Variants in RAB40B observed in about 807,000 individuals in gnomAD.
RAB40B encodes the protein RAB40B, member RAS oncogene family, also known as ras-related protein Rab-40B.
Under a neutral mutation model 24.0 loss-of-function variants are expected in RAB40B, and 21 were observed. The observed-to-expected ratio is 0.88, with a 90% CI of 0.62 to 1.26. The LOEUF is 1.26. Ranked by LOEUF, RAB40B falls within the 50% of genes most tolerant of loss-of-function variation. RAB40B has a pLI of 0.00. For synonymous variants in RAB40B, 167 were observed against 169.8 expected (o/e 0.98, Z 0.13); for missense variants, 348 against 390.5 (o/e 0.89, Z 0.92).
intron 5 of RAB40B, 118 bp from the exon 6 acceptor site, chr17:82,658,252 C>T: frequency 7.2e-7 from 1 of 1,384,616 alleles, no homozygotes; most frequent in Non-Finnish European, 9.7e-7. Context: ...GTGGCCCTGG[C>T]TTGTACATGC....
At chr17:82,682,756 C>G (rs1216941417) in intron 1 of RAB40B, among the ~76,000 whole-genome samples, 1 of 152,178 alleles carries the variant, frequency 6.6e-6, no homozygotes, top group East Asian at 1.9e-4. Flanking sequence ...AAAGGCCATA[C>G]AATAAAGAAT....
chr17:82,672,265 C>G (rs1446562234), intron 1 of RAB40B, among the ~76,000 whole-genome samples: 182 of 118,216 alleles, frequency 1.5e-3, no homozygotes, highest in South Asian at 2.2e-3. Flanking sequence ...CACTGACACA[C>G]CCCACCCCGT....
intron 1 of RAB40B, among the ~76,000 whole-genome samples, chr17:82,686,246 A>G (rs1185455537): frequency 6.7e-6 from 1 of 149,850 alleles, no homozygotes; most frequent in Non-Finnish European, 1.5e-5. Flanking sequence ...TAAGCAGCTG[A>G]GATAACAGGC....
At position 82,684,348 on chromosome 17, in the gene RAB40B, G is replaced by A. The variant is rs576901767; in HGVS notation, c.142+14107C>T. The stretch of plus-strand genomic sequence containing the variant: ...ACACACTGCTGACGGGGATGCAAAC[G>A]GTGTGGTCAGTGTGGAAAAGGGTTT... On this transcript the variant is annotated intron_variant, in intron 1 of 5. Transcript: ENST00000571995. Among the ~76,000 whole-genome samples, 8 of 152,146 alleles carry A rather than the reference G, an allele frequency of 5.3e-5. 1 individual carries two copies. In the East Asian group the frequency reaches 7.7e-4, roughly 15 times the overall value.
chr17:82,659,569 C>G lies in RAB40B; in HGVS notation c.342+11G>C. 1.2e-6 allele frequency: 2 copies of G among 1,613,944 alleles called. No homozygotes were observed. Among genetic ancestry groups the G allele is most frequent in the Non-Finnish European group, 1.7e-6 (2 of 1,179,844 alleles). ...ACAGGGATCTTGGGCAGTGGCATTT[C>G]TACAACATACCTCATCGATCTCCTT... On this transcript the variant is annotated intron_variant, in intron 4 of 5. Transcript: ENST00000571995.
chr17:82,678,100 CTT>C (rs1392040868), intron 1 of RAB40B, among the ~76,000 whole-genome samples: 2 of 152,132 alleles, frequency 1.3e-5, no homozygotes, highest in African/African-American at 4.8e-5. Flanking sequence ...TTGTTTCAGT[CTT>C]TGCAGTTTTT....
chr17:82,659,343 G>A (rs948216220), intron 4 of RAB40B: 12 of 534,954 alleles, frequency 2.2e-5, no homozygotes, highest in African/African-American at 3.8e-5. Flanking sequence ...GAGGTACGCC[G>A]TGGACGCTCG....
chr17:82,674,828 C>A (rs1455574541), intron 1 of RAB40B, among the ~76,000 whole-genome samples: 1 of 152,016 alleles, frequency 6.6e-6, no homozygotes, highest in African/African-American at 2.4e-5. Context: ...CAGAATGAAC[C>A]TAACACAGAA....
At chr17:82,680,450 A>C (rs1428477849) in intron 1 of RAB40B, among the ~76,000 whole-genome samples, 2 of 152,186 alleles carry the variant, frequency 1.3e-5, no homozygotes, top group Non-Finnish European at 1.5e-5. Context: ...GGAGGGTTCC[A>C]GGAGGCCACC....
intron 1 of RAB40B, among the ~76,000 whole-genome samples, chr17:82,695,197 C>CTTTCTTTCTT (rs1555660524): frequency 1.4e-5 from 2 of 140,804 alleles, no homozygotes; most frequent in African/African-American, 5.4e-5. Flanking sequence ...TTCTTTCTTT[C>CTTTCTTTCTT]TTTTTTTTTT....
In RAB40B at chr17:82,663,495, G is replaced by A. The variant is rs932730252; in HGVS notation, c.203+1001C>T. 5.9e-5 allele frequency among the ~76,000 whole-genome samples: 9 copies of A among 152,196 alleles called. No homozygotes were observed. Among genetic ancestry groups the A allele is most frequent in the African/African-American group, 7.2e-5 (3 of 41,452 alleles). ...ATCCCAAGCCAAGAGCGGGTGGAGG[G>A]AGAGGTGTTCCAAGCTGGCCCCAAG... is the stretch of plus-strand genomic sequence containing the variant. On this transcript the variant is annotated intron_variant, in intron 2 of 5. Coordinates refer to ENST00000571995, the MANE Select transcript of RAB40B (RefSeq NM_006822.3). The surrounding 1 kb of genome is among the most constrained non-coding windows in gnomAD (Gnocchi z 6.2).
rs1349348322 is a variant in RAB40B, at chr17:82,697,366, A to T, written c.142+1089T>A. The stretch of plus-strand genomic sequence containing the variant: ...CGCTTCCTCCCACCCTCTCCCGCTA[A>T]GTTCGTCTCTGGCAGGACCCTGGAC... On this transcript the variant is annotated intron_variant, in intron 1 of 5. Transcript: ENST00000571995. This position sits in a 1 kb window ranked among gnomAD's most constrained non-coding sequence, Gnocchi z 4.9. Among the ~76,000 whole-genome samples the T allele has an allele frequency of 6.6e-6, 1 of 152,038 alleles. No individual in the cohort carries two copies. Among genetic ancestry groups the T allele is most frequent in the Non-Finnish European group, 1.5e-5 (1 of 68,000 alleles).
At chr17:82,695,742 A>T (rs1441749235) in intron 1 of RAB40B, among the ~76,000 whole-genome samples, 1 of 151,992 alleles carries the variant, frequency 6.6e-6, no homozygotes, top group African/African-American at 2.4e-5. Context: ...TAATGATCTC[A>T]ACTTCTTACT....
chr17:82,674,096 T>G (rs2046368604), intron 1 of RAB40B, among the ~76,000 whole-genome samples: 1 of 152,218 alleles, frequency 6.6e-6, no homozygotes, highest in Non-Finnish European at 1.5e-5. Flanking sequence ...ATCCCAGCAC[T>G]TTGGGAGGCC....
intron 1 of RAB40B, among the ~76,000 whole-genome samples, chr17:82,678,067 A>G (rs2047647335): frequency 6.6e-6 from 1 of 152,222 alleles, no homozygotes; most frequent in Admixed American, 6.5e-5. Context: ...TCTTCTTTTC[A>G]TAAGCCCATT....
Position 82,697,371 on chromosome 17 carries a change from G to A in RAB40B, c.142+1084C>T, listed in dbSNP as rs1822466996. ...CCTCCCACCCTCTCCCGCTAAGTTC[G>A]TCTCTGGCAGGACCCTGGACCTGGG... On this transcript the variant is annotated intron_variant, in intron 1 of 5. Coordinates refer to ENST00000571995, the MANE Select transcript of RAB40B (RefSeq NM_006822.3). This position sits in a 1 kb window ranked among gnomAD's most constrained non-coding sequence, Gnocchi z 4.9. 6.6e-6 allele frequency among the ~76,000 whole-genome samples: 1 copy of A among 152,108 alleles called. No individual in the cohort carries two copies. The highest frequency in any genetic ancestry group is 6.6e-5 in the Admixed American group (1 of 15,248).
intron 3 of RAB40B, among the ~76,000 whole-genome samples, chr17:82,660,414 A>C (rs2046152639): frequency 6.6e-6 from 1 of 150,406 alleles, no homozygotes; most frequent in Non-Finnish European, 1.5e-5. Flanking sequence ...ATGTACCTTC[A>C]CACACGTGTA....
intron 1 of RAB40B, among the ~76,000 whole-genome samples, chr17:82,676,434 C>A (rs552569122): frequency 6.7e-6 from 1 of 150,014 alleles, no homozygotes; most frequent in Non-Finnish European, 1.5e-5. Flanking sequence ...CTTCAACAGC[C>A]TCTCCCCCCC....
At position 82,657,910 on chromosome 17, in the gene RAB40B, G is replaced by A. The variant is rs770718454; in HGVS notation, c.790C>T (p.Gln264Ter). ...CTGGTGCAGTTTTTGGGGGGGCTCTGGGGGGGGCGGACGAGCTTCACTTTG... is the reference window on the plus strand; with the variant it reads ...CTGGTGCAGTTTTTGGGGGGGCTCTAGGGGGGGCGGACGAGCTTCACTTTG... ...LRKVKLVRPPQSPPKNCTRNS... is the reference protein window; with the variant it reads ...LRKVKLVRPP Residue 264 changes from glutamine (Q) to a stop codon, truncating the protein, a stop_gained, in exon 6 of 6, where the codon CAG becomes TAG. Coordinates refer to ENST00000571995, the MANE Select transcript of RAB40B (RefSeq NM_006822.3). LOFTEE classifies it high-confidence loss of function. The A allele has an allele frequency of 3.1e-6, 5 of 1,607,788 alleles. No individual in the cohort carries two copies. The highest frequency in any genetic ancestry group is 1.3e-5 in the African/African-American group (1 of 74,506).
Sources: gnomAD v4.1 joint callset for allele counts (sites outside exome capture counted in the v4.1 genomes callset) on GRCh38, gnomAD v4.1.1 for gene constraint, Gnocchi (gnomAD v3.1) non-coding constraint, MANE v1.5 for transcripts, NCBI Gene and HGNC (gene_info 2026-07-23, HGNC 2026-07-21) for gene names.